EFCAB6: variants seen among roughly 807,000 people sequenced by gnomAD.
The protein encoded by EFCAB6 is EF-hand calcium binding domain 6, also known as EF-hand calcium-binding domain-containing protein 6.
Under a neutral mutation model 169.8 loss-of-function variants are expected in EFCAB6, and 156 were observed. The ratio of observed to expected loss-of-function variants is 0.92; its 90% CI spans 0.81 to 1.05. EFCAB6 has a LOEUF of 1.05. Among genes scored for constraint, EFCAB6 ranks in the 50% least tolerant of loss-of-function variants. The pLI, the probability that EFCAB6 is intolerant of heterozygous loss-of-function variation, is 0.00. For synonymous variants in EFCAB6, 698 were observed against 676.4 expected (o/e 1.03, Z -0.50); for missense variants, 1,800 against 1,829.1 (o/e 0.98, Z 0.29).
At chr22:43,634,845 T>A (rs2055261848) in intron 18 of EFCAB6, among the ~76,000 whole-genome samples, 1 of 152,194 alleles carries the variant, frequency 6.6e-6, no homozygotes, top group African/African-American at 2.4e-5. Flanking sequence ...AGAAACAGGC[T>A]TTGGGGCACA....
intron 20 of EFCAB6, among the ~76,000 whole-genome samples, chr22:43,618,208 A>AAGAAAG (rs1569257330): frequency 1.5e-5 from 2 of 135,016 alleles, no homozygotes; most frequent in Admixed American, 1.5e-4. Context: ...GAAAGAAAGA[A>AAGAAAG]AGAAAGAAAG....
chr22:43,812,251 C>A lies in EFCAB6; in HGVS notation c.-228G>T, dbSNP rs555481069. 1 of 152,312 alleles carries A rather than the reference C, an allele frequency of 6.6e-6. No homozygotes were observed. The highest frequency in any genetic ancestry group is 1.5e-5 in the Non-Finnish European group (1 of 68,086). The allele number at this position is 152,312 out of a possible 1,614,324, so 9.4% of individuals were successfully genotyped here. A position where few individuals can be genotyped will look rare whatever the true frequency, so the allele number is the denominator to read the frequency against. On this transcript the variant is annotated 5_prime_UTR_variant, in exon 1 of 32. Coordinates refer to ENST00000262726, the MANE Select transcript of EFCAB6 (RefSeq NM_022785.4). ...AAGCCGCGGGGTCTCAGAGGGGCTG[C>A]CCATTCGGCGTCTCTAGGACGCTGT...
chr22:43,767,610 A>G (rs1380461274), intron 4 of EFCAB6, among the ~76,000 whole-genome samples: 1 of 152,138 alleles, frequency 6.6e-6, no homozygotes, highest in Non-Finnish European at 1.5e-5. Context: ...CACTTTCTAC[A>G]ACTCACAAAG....
intron 12 of EFCAB6, among the ~76,000 whole-genome samples, chr22:43,682,501 C>G (rs1002891031): frequency 6.6e-6 from 1 of 152,172 alleles, no homozygotes; most frequent in Admixed American, 6.5e-5. Context: ...ACTATTAGAA[C>G]CTGAGTGGGG....
chr22:43,681,086 TG>T (rs1182912481), intron 12 of EFCAB6, among the ~76,000 whole-genome samples: 1 of 152,250 alleles, frequency 6.6e-6, no homozygotes, highest in Non-Finnish European at 1.5e-5. Flanking sequence ...ACTGTGCTGC[TG>T]GCTATGGGTT....
intron 10 of EFCAB6, among the ~76,000 whole-genome samples, chr22:43,695,435 T>C (rs1199366417): frequency 6.6e-6 from 1 of 152,022 alleles, no homozygotes; most frequent in African/African-American, 2.4e-5. Flanking sequence ...TTTAATGTAT[T>C]TATAATATAA....
At chr22:43,653,933 A>G (rs1333984232) in intron 17 of EFCAB6, among the ~76,000 whole-genome samples, 1 of 152,172 alleles carries the variant, frequency 6.6e-6, no homozygotes, top group African/African-American at 2.4e-5. Context: ...ATAAAGAAAT[A>G]ATAAAGATAA....
chr22:43,677,506 C>A (rs1449936359), intron 13 of EFCAB6, among the ~76,000 whole-genome samples: 1 of 151,940 alleles, frequency 6.6e-6, no homozygotes, highest in South Asian at 2.1e-4. Context: ...ATTACCCGGG[C>A]GTAGCAGCAC....
chr22:43,632,130 G>A lies in EFCAB6; in HGVS notation c.2207C>T (p.Pro736Leu). The A allele has an allele frequency of 1.9e-6, 3 of 1,614,110 alleles. No individual in the cohort carries two copies. Among genetic ancestry groups the A allele is most frequent in the Non-Finnish European group, 2.5e-6 (3 of 1,180,008 alleles). ...CCGGAATGACTCCTTCAGCCTCCTA[G>A]GGAAAAGCTTCAGGCATTCTTCTGC... The part of the protein sequence containing the change: ...ITAEECLKLF[P>L]RRLKESFRDP... The change falls in exon 19 of 32, where the codon CCT (proline) becomes CTT (leucine). Residue 736 changes from proline to leucine, a missense_variant. By Grantham distance (98) the Pro-to-Leu change is moderately conservative (BLOSUM62 -3). Coordinates refer to ENST00000262726, the MANE Select transcript of EFCAB6 (RefSeq NM_022785.4).
chr22:43,731,687 A>T lies in EFCAB6; in HGVS notation c.757+12T>A. ...ATTGAAATCTTTAGCTATATACTTT[A>T]AAAATACTTACCTTGATTTCCCATA... is the stretch of plus-strand genomic sequence containing the variant. On this transcript the variant is annotated intron_variant, in intron 8 of 31. Transcript: ENST00000262726. 6.5e-7 allele frequency: 1 copy of T among 1,530,066 alleles called. No individual in the cohort carries two copies. The highest frequency in any genetic ancestry group is 8.9e-7 in the Non-Finnish European group (1 of 1,127,024). 94.8% of individuals were successfully genotyped at this position (1,530,066 alleles called of 1,614,324 possible).
chr22:43,785,222 G>A (rs1338082711), intron 2 of EFCAB6, among the ~76,000 whole-genome samples: 1 of 152,094 alleles, frequency 6.6e-6, no homozygotes, highest in African/African-American at 2.4e-5. Context: ...AACAATAGTA[G>A]AATATCATTC....
chr22:43,720,996 G>C (rs2059504559), intron 8 of EFCAB6, among the ~76,000 whole-genome samples: 2 of 152,070 alleles, frequency 1.3e-5, no homozygotes, highest in South Asian at 2.1e-4. Flanking sequence ...CTGCCAAAAG[G>C]CTACTAGAAC....
At chr22:43,569,308 C>T (rs1214045082) in intron 26 of EFCAB6, among the ~76,000 whole-genome samples, 1 of 152,236 alleles carries the variant, frequency 6.6e-6, no homozygotes, top group Admixed American at 6.5e-5. Context: ...GTGCAACCTC[C>T]TTGCCAACTT....
intron 2 of EFCAB6, chr22:43,802,536 A>T: frequency 2.9e-6 from 1 of 349,194 alleles, no homozygotes; most frequent in East Asian, 7.4e-5. Context: ...ATCTCAAAAA[A>T]AAAAAAAGAT....
chr22:43,588,166 T>C (rs78137317), intron 24 of EFCAB6, among the ~76,000 whole-genome samples: 2 of 152,320 alleles, frequency 1.3e-5, no homozygotes, highest in East Asian at 3.9e-4. Flanking sequence ...CAGAGTACCA[T>C]ACATTTCAAT....
chr22:43,650,768 T>C (rs2056428644), intron 17 of EFCAB6, among the ~76,000 whole-genome samples: 1 of 152,168 alleles, frequency 6.6e-6, no homozygotes, highest in African/African-American at 2.4e-5. Context: ...GGGTCTCAGA[T>C]GGAGATGAGG....
At chr22:43,640,647 T>G (rs2055734796) in intron 17 of EFCAB6, among the ~76,000 whole-genome samples, 1 of 152,166 alleles carries the variant, frequency 6.6e-6, no homozygotes, top group Non-Finnish European at 1.5e-5. Flanking sequence ...TTTCCTCAAG[T>G]AAAAAGCTGT....
chr22:43,700,037 GT>G (rs1369926767), intron 10 of EFCAB6, among the ~76,000 whole-genome samples: 2 of 152,042 alleles, frequency 1.3e-5, no homozygotes, highest in Non-Finnish European at 2.9e-5. Context: ...TTAAACACAG[GT>G]TTTATTTTTA....
intron 31 of EFCAB6, among the ~76,000 whole-genome samples, chr22:43,529,264 C>G (rs2046916979): frequency 6.6e-6 from 1 of 152,224 alleles, no homozygotes; most frequent in African/African-American, 2.4e-5. Flanking sequence ...TCAGACAAGG[C>G]TGATGATCAG....
Sources: gnomAD v4.1 joint callset for allele counts (sites outside exome capture counted in the v4.1 genomes callset) on GRCh38, gnomAD v4.1.1 for gene constraint, MANE v1.5 for transcripts, NCBI Gene and HGNC (gene_info 2026-07-23, HGNC 2026-07-21) for gene names.